Variants in CORO2A observed in about 807,000 individuals in gnomAD.
CORO2A encodes the protein coronin 2A, also known as coronin-2A.
In CORO2A, 47 loss-of-function variants were observed where a neutral mutation model predicts 62.4. The observed-to-expected ratio is 0.75, with a 90% confidence interval of 0.60 to 0.96. CORO2A has a LOEUF of 0.96. Among genes scored for constraint, CORO2A ranks in the 40% least tolerant of loss-of-function variants. The probability of loss-of-function intolerance (pLI) is 0.00; values close to 1 mark genes in which losing one functional copy is unlikely to be tolerated. For missense variants in CORO2A, 610 were observed against 684.1 expected (o/e 0.89, Z 1.21); for synonymous variants, 273 against 268.9 (o/e 1.02, Z -0.15).
Position 98,126,603 on chromosome 9 carries a change from C to A in CORO2A, c.1392G>T (p.Trp464Cys). The A allele has an allele frequency of 6.2e-7, 1 of 1,614,196 alleles. No homozygotes were observed. The change falls in exon 11 of 12, where the codon TGG (tryptophan) becomes TGT (cysteine). Residue 464 changes from tryptophan (W) to cysteine (C), a missense_variant. Transcript: ENST00000375077. ...AEHRLEEKKT[W>C]LTNGFDVFEC... Reference sequence around the variant, plus strand: ...CGAAAACGTCAAAGCCATTTGTCAGCCAGGTTTTCTTCTCCTCCAGCCTGT... The same window carrying A: ...CGAAAACGTCAAAGCCATTTGTCAGACAGGTTTTCTTCTCCTCCAGCCTGT...
At position 98,123,240 on chromosome 9, in the gene CORO2A, A is replaced by C. The variant is rs1440910916; in HGVS notation, c.*1534T>G. On this transcript the variant is annotated 3_prime_UTR_variant, in exon 12 of 12. Transcript: ENST00000375077. ...AAGAGCAAAAAGACAGACCCAGAAA[A>C]GCAGGATCTCAGCCCAGCCCTGCCA... 6.6e-6 allele frequency: 1 copy of C among 152,242 alleles called. No individual in the cohort carries two copies. Among genetic ancestry groups the C allele is most frequent in the Non-Finnish European group, 1.5e-5 (1 of 68,076 alleles). The allele number at this position is 152,242 out of a possible 1,614,324, so 9.4% of individuals were successfully genotyped here.
intron 1 of CORO2A, among the ~76,000 whole-genome samples, chr9:98,184,683 C>A (rs1240996762): frequency 6.6e-6 from 1 of 152,132 alleles, no homozygotes; most frequent in African/African-American, 2.4e-5. Context: ...TGTGATGGGG[C>A]CATGGCTGCC....
chr9:98,124,996 G>A (rs1192779682), intron 11 of CORO2A, 91 bp from the exon 12 acceptor site: 6 of 1,465,620 alleles, frequency 4.1e-6, no homozygotes, highest in Non-Finnish European at 3.7e-6. Context: ...TCAGAAAGGT[G>A]GAGGCGGTCA....
intron 1 of CORO2A, among the ~76,000 whole-genome samples, chr9:98,188,147 C>G (rs1218799621): frequency 6.6e-6 from 1 of 152,164 alleles, no homozygotes; most frequent in Non-Finnish European, 1.5e-5. Flanking sequence ...TTTGCCCCAG[C>G]TGTTCCCTCC....
In CORO2A at chr9:98,122,086, T is replaced by A. The variant is rs1158629852; in HGVS notation, c.*2688A>T. On this transcript the variant is annotated 3_prime_UTR_variant, in exon 12 of 12. Coordinates refer to ENST00000375077, the MANE Select transcript of CORO2A (RefSeq NM_052820.4). ...AACCCCCATCGTGCTGCAGCTGCGG[T>A]TCCCAGAGATGTTGAGGGAGGGCTT... The A allele has an allele frequency of 6.6e-6, 1 of 152,076 alleles. No homozygotes were observed. Among genetic ancestry groups the A allele is most frequent in the Non-Finnish European group, 1.5e-5 (1 of 68,044 alleles). The allele number at this position is 152,076 out of a possible 1,614,324, so 9.4% of individuals were successfully genotyped here.
At chr9:98,151,379 A>G (rs547611403) in intron 2 of CORO2A, among the ~76,000 whole-genome samples, 3 of 152,298 alleles carry the variant, frequency 2.0e-5, no homozygotes, top group South Asian at 2.1e-4. Context: ...GTCTTTTAAC[A>G]ATGTTCTATC....
chr9:98,142,126 TTC>T (rs1365256860), intron 2 of CORO2A, among the ~76,000 whole-genome samples: 1 of 152,200 alleles, frequency 6.6e-6, no homozygotes, highest in Non-Finnish European at 1.5e-5. Context: ...AGCCAAAAAC[TTC>T]TGTTATAAAA....
chr9:98,131,330 CTTTT>C (rs60302015), intron 6 of CORO2A, among the ~76,000 whole-genome samples: 16 of 145,466 alleles, frequency 1.1e-4, no homozygotes, highest in Non-Finnish European at 2.0e-4. Flanking sequence ...TAACAAATCA[CTTTT>C]TTTTTTTTTT....
rs771924987 is a variant in CORO2A, at chr9:98,128,206, G to A, written c.1135C>T (p.Leu379=). ...YPPTAGAQPS[L]TAQEWLSGMN... ...CCGCTGAGCCACTCCTGGGCCGTCAGGGAGGGCTGGGCCCCTGCTGTTGGA... is the reference window on the plus strand; with the variant it reads ...CCGCTGAGCCACTCCTGGGCCGTCAAGGAGGGCTGGGCCCCTGCTGTTGGA... The change falls in exon 10 of 12, where the codon CTG becomes TTG. Residue 379 remains leucine (L), a synonymous_variant. Transcript: ENST00000375077. 3.1e-6 allele frequency: 5 copies of A among 1,613,610 alleles called. No homozygotes were observed. Among genetic ancestry groups the A allele is most frequent in the Non-Finnish European group, 4.2e-6 (5 of 1,179,742 alleles).
intron 1 of CORO2A, among the ~76,000 whole-genome samples, chr9:98,176,446 G>A (rs940389000): frequency 6.6e-6 from 1 of 152,122 alleles, no homozygotes; most frequent in African/African-American, 2.4e-5. Context: ...TCAACCAGTG[G>A]ACTTCCTCGC....
At chr9:98,147,932 T>C (rs988557504) in intron 2 of CORO2A, among the ~76,000 whole-genome samples, 3 of 152,032 alleles carry the variant, frequency 2.0e-5, no homozygotes, top group Non-Finnish European at 4.4e-5. Flanking sequence ...ATCCATACCA[T>C]AGAATACTAT....
At chr9:98,132,955 G>C (rs1827429799) in intron 5 of CORO2A, 83 bp downstream of exon 5, 2 of 1,493,958 alleles carry the variant, frequency 1.3e-6, no homozygotes, top group Non-Finnish European at 1.8e-6. Flanking sequence ...CAGCATCACT[G>C]TCCTGTTCTC....
Position 98,129,857 on chromosome 9 carries a change from CGCT to C in CORO2A, c.901_903del (p.Ser301del), listed in dbSNP as rs1193142113. ...AGGTAGCTCAGGTGAGGCTTGTCGG[CGCT>C]CACCTCGTAGTAGCGGATGTTGCCA... On this transcript the variant is annotated inframe_deletion, in exon 8 of 12. Transcript: ENST00000375077. The C allele has an allele frequency of 1.2e-6, 2 of 1,613,878 alleles. No individual in the cohort carries two copies. The highest frequency in any genetic ancestry group is 2.2e-5 in the East Asian group (1 of 44,890).
chr9:98,192,036 C>T (rs1588019671), intron 1 of CORO2A, among the ~76,000 whole-genome samples: 1 of 152,216 alleles, frequency 6.6e-6, no homozygotes, highest in African/African-American at 2.4e-5. Context: ...CCGGCTGATG[C>T]CCCACATGCA....
chr9:98,131,017 A>G lies in CORO2A; in HGVS notation c.808T>C (p.Ser270Pro). The G allele has an allele frequency of 6.2e-7, 1 of 1,613,894 alleles. No homozygotes were observed. Among genetic ancestry groups the G allele is most frequent in the South Asian group, 1.1e-5 (1 of 91,036 alleles). ...TAGAAGGGAAACAGCACGCCCGAGG[A>G]GCCGTCCAGGTCCTCCTCCATCAGA... ...VPLMEEDLDG[S>P]SGVLFPFYDA... Residue 270 changes from serine to proline, a missense_variant, in exon 7 of 12, where the codon TCC becomes CCC. By Grantham distance (74) the Ser-to-Pro change is moderately conservative (BLOSUM62 -1). Coordinates refer to ENST00000375077, the MANE Select transcript of CORO2A (RefSeq NM_052820.4).
intron 1 of CORO2A, among the ~76,000 whole-genome samples, chr9:98,173,295 C>G (rs569017059): frequency 3.3e-5 from 5 of 152,212 alleles, no homozygotes; most frequent in African/African-American, 1.2e-4. Context: ...AATCGCTGCT[C>G]TACAGCCCAG....
intron 1 of CORO2A, among the ~76,000 whole-genome samples, chr9:98,191,391 G>C (rs1001197381): frequency 6.6e-6 from 1 of 152,228 alleles, no homozygotes; most frequent in Non-Finnish European, 1.5e-5. Context: ...TCTTGCCTTG[G>C]CTCCCTGGGA....
intron 2 of CORO2A, among the ~76,000 whole-genome samples, chr9:98,154,362 C>CAT (rs71308247): frequency 0.15 from 13,159 of 85,996 alleles, 998 homozygotes; most frequent in Non-Finnish European, 0.22. Flanking sequence ...TACACAAATA[C>CAT]ATATATATAT....
At chr9:98,177,457 GTTTTT>G (rs1174402008) in intron 1 of CORO2A, among the ~76,000 whole-genome samples, 2 of 98,344 alleles carry the variant, frequency 2.0e-5, no homozygotes, top group South Asian at 3.5e-4. Context: ...TCCAAACTTT[GTTTTT>G]TTTTTTTTTT....
Sources: gnomAD v4.1 joint callset for allele counts (sites outside exome capture counted in the v4.1 genomes callset) on GRCh38, gnomAD v4.1.1 for gene constraint, MANE v1.5 for transcripts, NCBI Gene and HGNC (gene_info 2026-07-23, HGNC 2026-07-21) for gene names.